Variants in CCDC141 observed in about 807,000 individuals in gnomAD.
CCDC141 encodes the protein coiled-coil domain containing 141.
CCDC141 carries 168 observed loss-of-function variants against 181.0 expected under a neutral mutation model. The ratio of observed to expected loss-of-function variants is 0.93; its 90% CI spans 0.82 to 1.05. CCDC141 has a LOEUF of 1.05. Among genes scored for constraint, CCDC141 ranks in the 50% least tolerant of loss-of-function variants. CCDC141 has a pLI of 0.00. For synonymous variants in CCDC141, 666 were observed against 642.3 expected (o/e 1.04, Z -0.56); for missense variants, 1,902 against 1,788.5 (o/e 1.06, Z -1.14).
Position 178,975,144 on chromosome 2 carries a change from C to A in CCDC141, c.439G>T (p.Ala147Ser). Residue 147 changes from alanine to serine, a missense_variant, in exon 4 of 24, where the codon GCT becomes TCT. Physicochemically the swap from Ala to Ser is moderately conservative, Grantham distance 99. Transcript: ENST00000443758. ...TGAGTATTCTGGAGGAAATCTTCAG[C>A]TTGGTCTATTTTAATAGCAAACTAC... Reference protein sequence around the residue: ...ALEFAIKIDQAEDFLQNTHEF... With the variant: ...ALEFAIKIDQSEDFLQNTHEF... The A allele has an allele frequency of 6.6e-7, 1 of 1,507,882 alleles. No individual in the cohort carries two copies. The highest frequency in any genetic ancestry group is 1.3e-5 in the South Asian group (1 of 79,356). The allele number at this position is 1,507,882 out of a possible 1,614,324, so 93.4% of individuals were successfully genotyped here.
chr2:178,934,703 G>A (rs569568073), intron 6 of CCDC141, among the ~76,000 whole-genome samples: 1 of 152,100 alleles, frequency 6.6e-6, no homozygotes, highest in Non-Finnish European at 1.5e-5. Context: ...CATTTTCAAA[G>A]TTTACTTAGA....
chr2:178,862,434 A>C (rs1179703629), intron 17 of CCDC141, among the ~76,000 whole-genome samples: 1 of 152,238 alleles, frequency 6.6e-6, no homozygotes, highest in Non-Finnish European at 1.5e-5. Context: ...GTCAGGTTCA[A>C]AGAAGAAAGC....
intron 7 of CCDC141, among the ~76,000 whole-genome samples, chr2:178,908,235 G>A (rs550221694): frequency 1.1e-4 from 16 of 152,078 alleles, no homozygotes; most frequent in Admixed American, 2.0e-4. Flanking sequence ...TCGCTCTGCC[G>A]CCAGGCTGGA....
chr2:179,023,423 A>G (rs1447134431), intron 2 of CCDC141, among the ~76,000 whole-genome samples: 1 of 152,256 alleles, frequency 6.6e-6, no homozygotes, highest in Non-Finnish European at 1.5e-5. Flanking sequence ...CTGCTAAGTT[A>G]TGTTGCCTGT....
chr2:178,886,693 T>C, intron 10 of CCDC141, 59 bp downstream of exon 10: 1 of 1,148,662 alleles, frequency 8.7e-7, no homozygotes, highest in Non-Finnish European at 1.2e-6. Context: ...AGCTATCAAA[T>C]ATTTTTAAAA....
intron 8 of CCDC141, among the ~76,000 whole-genome samples, chr2:178,890,398 C>T (rs563262521): frequency 1.3e-5 from 2 of 152,230 alleles, no homozygotes; most frequent in South Asian, 4.1e-4. Context: ...GAAGCTGTAG[C>T]TTGGAGGGGA....
At chr2:178,907,337 G>T (rs1038889371) in intron 7 of CCDC141, among the ~76,000 whole-genome samples, 1 of 152,154 alleles carries the variant, frequency 6.6e-6, no homozygotes, top group Admixed American at 6.5e-5. Context: ...GAGCAGATTT[G>T]GGATTTATAC....
chr2:178,938,587 G>T (rs1001630694), intron 6 of CCDC141, among the ~76,000 whole-genome samples: 2 of 152,078 alleles, frequency 1.3e-5, no homozygotes, highest in Non-Finnish European at 1.5e-5. Flanking sequence ...GGGATAAAAG[G>T]TTCTGTAGAT....
chr2:178,885,643 T>A (rs995523335), intron 10 of CCDC141, among the ~76,000 whole-genome samples: 17 of 152,172 alleles, frequency 1.1e-4, no homozygotes, highest in African/African-American at 3.6e-4. Context: ...TGCTCAGGGA[T>A]GTTCTCCTAT....
intron 11 of CCDC141, among the ~76,000 whole-genome samples, chr2:178,880,405 G>A (rs1686541158): frequency 6.6e-6 from 1 of 152,154 alleles, no homozygotes; most frequent in South Asian, 2.1e-4. Context: ...AAAAAGAAGG[G>A]GAGTGTGAAG....
At chr2:178,903,075 C>T (rs1234614747) in intron 8 of CCDC141, among the ~76,000 whole-genome samples, 5 of 149,560 alleles carry the variant, frequency 3.3e-5, no homozygotes, top group African/African-American at 4.9e-5. Flanking sequence ...TCACACCAGT[C>T]AGAATGGCAA....
At chr2:178,866,150 C>T (rs748012580) in intron 16 of CCDC141, among the ~76,000 whole-genome samples, 4 of 152,184 alleles carry the variant, frequency 2.6e-5, no homozygotes, top group Non-Finnish European at 4.4e-5. Flanking sequence ...AAGATTCGCT[C>T]ATCACACCCA....
At chr2:178,975,794 T>C (rs1691092797) in intron 3 of CCDC141, among the ~76,000 whole-genome samples, 1 of 152,146 alleles carries the variant, frequency 6.6e-6, no homozygotes, top group Non-Finnish European at 1.5e-5. Context: ...GGTGACTTAA[T>C]GAGAAGAAAT....
At chr2:179,015,115 A>ATCAT (rs1170733701) in intron 2 of CCDC141, among the ~76,000 whole-genome samples, 1 of 24,966 alleles carries the variant, frequency 4.0e-5, no homozygotes, top group African/African-American at 8.7e-5. Context: ...ATATATATAT[A>ATCAT]ATCATATATA....
At chr2:178,817,735 TTCTCTTTTTCTTTA>T in the CCDC141 span, 2 of 304,394 alleles carry the variant, frequency 6.6e-6, no homozygotes, top group East Asian at 1.6e-4. Context: ...AATATTTTCG[TTCTCTTTTTCTTTA>T]TCTCTTTTCT....
At chr2:178,859,999 A>G (rs1685533407) in intron 17 of CCDC141, among the ~76,000 whole-genome samples, 1 of 152,244 alleles carries the variant, frequency 6.6e-6, no homozygotes, top group South Asian at 2.1e-4. Context: ...TATTTAAAAC[A>G]GAAATGCATT....
chr2:178,929,446 T>C (rs911757076), intron 6 of CCDC141, among the ~76,000 whole-genome samples: 1 of 152,156 alleles, frequency 6.6e-6, no homozygotes, highest in Non-Finnish European at 1.5e-5. Flanking sequence ...ATACAAACTC[T>C]GGATATTGCT....
downstream of CCDC141, among the ~76,000 whole-genome samples, chr2:178,829,571 T>C (rs1178772689): frequency 6.6e-6 from 1 of 152,258 alleles, no homozygotes; most frequent in Non-Finnish European, 1.5e-5. Flanking sequence ...GCACAACTGA[T>C]AACATTCAAA....
chr2:179,046,328 T>C (rs1237018674), intron 2 of CCDC141, among the ~76,000 whole-genome samples: 1 of 152,218 alleles, frequency 6.6e-6, no homozygotes, highest in East Asian at 1.9e-4. Context: ...TGCCTTACAT[T>C]TGTGTTTTGT....
Sources: gnomAD v4.1 joint callset for allele counts (sites outside exome capture counted in the v4.1 genomes callset) on GRCh38, gnomAD v4.1.1 for gene constraint, MANE v1.5 for transcripts, NCBI Gene and HGNC (gene_info 2026-07-23, HGNC 2026-07-21) for gene names.